WWC2: variants seen among roughly 807,000 people sequenced by gnomAD.
WWC2 encodes the protein WW and C2 domain containing 2.
WWC2 carries 101 observed loss-of-function variants against 138.5 expected under a neutral mutation model. The ratio of observed to expected loss-of-function variants is 0.73; its 90% CI spans 0.62 to 0.86. The LOEUF is 0.86. Ranked by LOEUF, WWC2 falls within the 40% of genes least tolerant of loss-of-function variation. WWC2 has a pLI of 0.00. For missense variants in WWC2, 1,420 were observed against 1,419.4 expected, an observed-to-expected ratio of 1.00 and a Z score of -0.01; for synonymous variants, 558 against 538.4, an observed-to-expected ratio of 1.04 and a Z score of -0.50.
intron 1 of WWC2, among the ~76,000 whole-genome samples, chr4:183,151,807 C>T (rs1413879285): frequency 6.6e-6 from 1 of 152,206 alleles, no homozygotes; most frequent in Non-Finnish European, 1.5e-5. Flanking sequence ...ATCCTTTCAA[C>T]ATTTCTTGTT....
chr4:183,298,585 A>C (rs1292553711), intron 21 of WWC2, among the ~76,000 whole-genome samples: 1 of 152,136 alleles, frequency 6.6e-6, no homozygotes, highest in African/African-American at 2.4e-5. Flanking sequence ...TCTTCTTCCC[A>C]TCAGAAAATA....
intron 4 of WWC2, among the ~76,000 whole-genome samples, chr4:183,210,291 A>C (rs1389199178): frequency 6.6e-6 from 1 of 152,072 alleles, no homozygotes; most frequent in African/African-American, 2.4e-5. Context: ...GGCGGAGGTG[A>C]GGGGAGATGA....
intron 1 of WWC2, among the ~76,000 whole-genome samples, chr4:183,181,880 T>C (rs1734643156): frequency 6.6e-6 from 1 of 152,200 alleles, no homozygotes; most frequent in Non-Finnish European, 1.5e-5. Context: ...TTAATAACAG[T>C]TCATCCTGTT....
chr4:183,312,964 T>A (rs1283748860), intron 22 of WWC2, among the ~76,000 whole-genome samples: 4 of 152,120 alleles, frequency 2.6e-5, no homozygotes, highest in African/African-American at 9.7e-5. Context: ...ACTAAAGGGA[T>A]AGGTAGGGAC....
At position 183,271,083 on chromosome 4, in the gene WWC2, G is replaced by T; in HGVS notation, c.2404G>T (p.Gly802Ter). 6.3e-7 allele frequency: 1 copy of T among 1,575,902 alleles called. No individual in the cohort carries two copies. The highest frequency in any genetic ancestry group is 8.6e-7 in the Non-Finnish European group (1 of 1,160,778). Residue 802 changes from glycine (G) to a stop codon, truncating the protein, a stop_gained, in exon 16 of 23, where the codon GGA (glycine) becomes TGA (stop). Transcript: ENST00000403733. LOFTEE classifies it high-confidence loss of function. ...TTGTTTTCTTTCACTTACATAGGCT[G>T]GAACTCAGATCAGCCTGGCAGATTT... Reference protein sequence around the residue: ...SKHRREECLAGTQISLADLPF... With the variant: ...SKHRREECLA
chr4:183,265,684 A>G lies in WWC2; in HGVS notation c.2040-4A>G. ...AACTGTTCATCTACTCCCTGTCCATATAGACCTAGTGAAATGGAAGATGTC... is the reference window on the plus strand; with the variant it reads ...AACTGTTCATCTACTCCCTGTCCATGTAGACCTAGTGAAATGGAAGATGTC... On this transcript the variant is annotated splice_polypyrimidine_tract_variant and splice_region_variant and intron_variant, in intron 12 of 22. Transcript: ENST00000403733. The G allele has an allele frequency of 2.5e-6, 4 of 1,608,212 alleles. No homozygotes were observed. Among genetic ancestry groups the G allele is most frequent in the South Asian group, 1.1e-5 (1 of 89,436 alleles).
intron 1 of WWC2, among the ~76,000 whole-genome samples, chr4:183,119,940 T>G (rs1245733754): frequency 6.6e-6 from 1 of 152,248 alleles, no homozygotes. Context: ...TATATGATTC[T>G]TAAACAGTTC....
intron 4 of WWC2, among the ~76,000 whole-genome samples, chr4:183,214,750 C>T (rs560067172): frequency 1.2e-4 from 18 of 151,828 alleles, no homozygotes; most frequent in African/African-American, 4.3e-4. Context: ...CGAGATTGCA[C>T]CAGCCTGGGC....
chr4:183,193,495 A>C, intron 1 of WWC2, 104 bp from the exon 2 acceptor site: 1 of 938,064 alleles, frequency 1.1e-6, no homozygotes, highest in South Asian at 1.7e-5. Flanking sequence ...TTTTTTCTTT[A>C]AGATTTTAAA....
chr4:183,258,631 C>A (rs1250952867), intron 9 of WWC2, among the ~76,000 whole-genome samples: 1 of 152,208 alleles, frequency 6.6e-6, no homozygotes, highest in African/African-American at 2.4e-5. Context: ...CTTTCTCATA[C>A]ATTACTCCAT....
chr4:183,136,913 G>A (rs1733132918), intron 1 of WWC2, among the ~76,000 whole-genome samples: 1 of 152,144 alleles, frequency 6.6e-6, no homozygotes, highest in Admixed American at 6.5e-5. Context: ...TAGGCGATAT[G>A]GTGGTGCCTA....
At chr4:183,233,215 G>A (rs1736311157) in intron 4 of WWC2, among the ~76,000 whole-genome samples, 1 of 124,194 alleles carries the variant, frequency 8.1e-6, no homozygotes, top group African/African-American at 3.2e-5. Context: ...TGAGTGCAAT[G>A]GCTTGATCTC....
At chr4:183,178,720 T>C (rs1440886612) in intron 1 of WWC2, among the ~76,000 whole-genome samples, 2 of 152,194 alleles carry the variant, frequency 1.3e-5, no homozygotes, top group African/African-American at 2.4e-5. Flanking sequence ...GCTTGCTGCA[T>C]GGAAGCTCGG....
intron 1 of WWC2, among the ~76,000 whole-genome samples, chr4:183,182,517 ACAAG>A (rs1734660563): frequency 6.6e-6 from 1 of 152,218 alleles, no homozygotes; most frequent in Admixed American, 6.5e-5. Context: ...AAATAATCTG[ACAAG>A]CAAACATTTC....
chr4:183,103,241 A>G (rs544179346), intron 1 of WWC2, among the ~76,000 whole-genome samples: 88 of 151,814 alleles, frequency 5.8e-4, no homozygotes, highest in African/African-American at 2.1e-3. Context: ...AGGGGGTGCC[A>G]GCTGGGTATA....
At chr4:183,117,215 CTTTTTTT>C (rs923478529) in intron 1 of WWC2, among the ~76,000 whole-genome samples, 34 of 95,674 alleles carry the variant, frequency 3.6e-4, no homozygotes, top group African/African-American at 1.2e-3. Context: ...CATTCTTCTT[CTTTTTTT>C]TTTTTTTTTT....
chr4:183,239,517 A>G (rs753265382), intron 4 of WWC2, among the ~76,000 whole-genome samples: 21 of 152,174 alleles, frequency 1.4e-4, no homozygotes, highest in African/African-American at 5.1e-4. Flanking sequence ...TCAGTTTGAC[A>G]ACAAATATTT....
intron 2 of WWC2, among the ~76,000 whole-genome samples, chr4:183,200,962 C>T (rs1231218387): frequency 1.3e-5 from 2 of 152,186 alleles, no homozygotes; most frequent in African/African-American, 4.8e-5. Flanking sequence ...ATCTACAGTT[C>T]TGAAAACTTT....
At chr4:183,206,059 G>A (rs1336443768) in intron 2 of WWC2, among the ~76,000 whole-genome samples, 1 of 152,016 alleles carries the variant, frequency 6.6e-6, no homozygotes, top group African/African-American at 2.4e-5. Flanking sequence ...CTGCAATTCA[G>A]CAGTGCCTCC....
Sources: allele counts gnomAD v4.1 joint callset (sites outside exome capture counted in the v4.1 genomes callset), GRCh38; gene constraint gnomAD v4.1.1; transcripts MANE v1.5; gene names NCBI Gene and HGNC (gene_info 2026-07-23, HGNC 2026-07-21).